AKT1S1: variants seen among roughly 807,000 people sequenced by gnomAD.
The protein encoded by AKT1S1 is AKT1 substrate 1.
AKT1S1 carries 17 observed loss-of-function variants against 21.2 expected under a neutral mutation model. The observed-to-expected ratio is 0.80, with a 90% CI of 0.55 to 1.20. The LOEUF (loss-of-function observed/expected upper bound fraction) is 1.20. Ranked by LOEUF, AKT1S1 falls within the 50% of genes most tolerant of loss-of-function variation. The pLI is 0.00. For synonymous variants in AKT1S1, 181 were observed against 165.6 expected (o/e 1.09, Z -0.72); for missense variants, 366 against 368.3 (o/e 0.99, Z 0.05).
Position 49,869,998 on chromosome 19 carries a change from G to A in AKT1S1, c.690C>T (p.Ala230=), listed in dbSNP as rs2074865941. Residue 230 remains alanine, a synonymous_variant, in exon 5 of 5, where the codon GCC becomes GCT. Coordinates refer to ENST00000344175, the MANE Select transcript of AKT1S1 (RefSeq NM_001098633.4). ...GGTCCCCGAAGACCTGGGTGTCCTC[G>A]GCCTCTCGCAGCACCAGCGCGCGCA... ...ASMRALVLRE[A]EDTQVFGDLP... is the part of the protein sequence containing the mutation. 1.3e-6 allele frequency: 2 copies of A among 1,546,736 alleles called. No homozygotes were observed. Among genetic ancestry groups the A allele is most frequent in the African/African-American group, 2.8e-5 (2 of 72,250 alleles).
At chr19:49,877,508 G>A, upstream of AKT1S1, 1 of 552,484 alleles carries the variant, frequency 1.8e-6, no homozygotes, top group South Asian at 2.2e-5. Context: ...TCCGTAGCCG[G>A]ATCCACCTTC....
rs1256503058 is a variant in AKT1S1, at chr19:49,873,299, C to T, written c.-4G>A. 4 of 1,490,856 alleles carry T rather than the reference C, an allele frequency of 2.7e-6. No homozygotes were observed. Among genetic ancestry groups the T allele is most frequent in the South Asian group, 1.3e-5 (1 of 78,376 alleles). The allele number at this position is 1,490,856 out of a possible 1,614,324, so 92.4% of individuals were successfully genotyped here. A position where few individuals can be genotyped will look rare whatever the true frequency, so the allele number is the denominator to read the frequency against. On this transcript the variant is annotated 5_prime_UTR_variant, in exon 2 of 5. Transcript: ENST00000344175. The surrounding 1 kb of genome is among the most constrained non-coding windows in gnomAD (Gnocchi z 6.9). ...CCTCGGGGCGCCCCGACGCCATCCG[C>T]GCCCTGCGGGCCAGAGCAGGACAGA... is the stretch of plus-strand genomic sequence containing the variant.
rs1366543177 is a variant in AKT1S1 at position 49,869,128 on chromosome 19, C to G, written c.*789G>C. On this transcript the variant is annotated 3_prime_UTR_variant, in exon 5 of 5. Transcript: ENST00000344175. ...CTCACTCTCTCCCCCACACCAGGGC[C>G]GGAGAGTGAGGGCCCCTGCCCCCCA... The G allele has an allele frequency of 6.6e-6, 1 of 152,504 alleles. No individual in the cohort carries two copies. The highest frequency in any genetic ancestry group is 1.9e-4 in the East Asian group (1 of 5,200). The allele number at this position is 152,504 out of a possible 1,614,324, so 9.4% of individuals were successfully genotyped here.
chr19:49,876,093 A>T, intron 1 of AKT1S1: 1 of 986,674 alleles, frequency 1.0e-6, no homozygotes, highest in Non-Finnish European at 1.2e-6. Flanking sequence ...CCTCCTGTCG[A>T]AATTTTAGTA....
intron 4 of AKT1S1, among the ~76,000 whole-genome samples, chr19:49,870,914 G>C (rs565652370): frequency 2.5e-4 from 38 of 152,312 alleles, no homozygotes; most frequent in African/African-American, 9.1e-4. Flanking sequence ...CTGCTGGTTT[G>C]CATATAAGGA....
intron 2 of AKT1S1, 133 bp from the exon 3 acceptor site, chr19:49,872,022 C>T: frequency 3.0e-6 from 3 of 1,005,916 alleles, no homozygotes. Context: ...CCATTTCCTT[C>T]ACCTCAAAAA....
rs1160670478 is a variant in AKT1S1, at chr19:49,869,979, C to G, written c.709G>C (p.Gly237Arg). The stretch of plus-strand genomic sequence containing the variant: ...TTAAGCCGCGGCCGTGGCAGGTCCC[C>G]GAAGACCTGGGTGTCCTCGGCCTCT... ...LREAEDTQVF[G>R]DLPRPRLNTS... Residue 237 changes from glycine to arginine, a missense_variant, in exon 5 of 5, where the codon GGG becomes CGG. Transcript: ENST00000344175. 4.5e-6 allele frequency: 7 copies of G among 1,545,318 alleles called. No homozygotes were observed. Among genetic ancestry groups the G allele is most frequent in the Non-Finnish European group, 5.2e-6 (6 of 1,142,862 alleles).
intron 1 of AKT1S1, chr19:49,877,007 G>A (rs893371690): frequency 3.7e-5 from 10 of 271,488 alleles, no homozygotes; most frequent in Non-Finnish European, 4.2e-5. Context: ...GTGTATATTG[G>A]CTCTCCCTCC....
upstream of AKT1S1, chr19:49,877,830 C>T (rs2122411465): frequency 1.4e-6 from 2 of 1,464,366 alleles, no homozygotes; most frequent in Middle Eastern, 1.7e-4. Context: ...CCTTGGCTCT[C>T]GAGAATCCGG....
chr19:49,876,470 G>T (rs1399292303), intron 1 of AKT1S1: 13 of 1,189,992 alleles, frequency 1.1e-5, no homozygotes, highest in Non-Finnish European at 1.4e-5. Flanking sequence ...GCAAAGGATC[G>T]CTGGCAGACC....
intron 1 of AKT1S1, chr19:49,876,854 G>T (rs2029917041): frequency 1.9e-6 from 1 of 516,064 alleles, no homozygotes; most frequent in Non-Finnish European, 3.3e-6. Flanking sequence ...AATAATGGCC[G>T]TCCTCATATG....
At chr19:49,874,279 G>A (rs538270897) in intron 1 of AKT1S1, 1 of 152,440 alleles carries the variant, frequency 6.6e-6, no homozygotes, top group African/African-American at 2.4e-5. Flanking sequence ...CTTCCTTCCA[G>A]AGGGAACTGG....
At position 49,870,006 on chromosome 19, in the gene AKT1S1, G is replaced by T; in HGVS notation, c.682C>A (p.Arg228=). ...AAGACCTGGGTGTCCTCGGCCTCTCGCAGCACCAGCGCGCGCATGCTCGCC... is the reference window on the plus strand; with the variant it reads ...AAGACCTGGGTGTCCTCGGCCTCTCTCAGCACCAGCGCGCGCATGCTCGCC... The part of the protein sequence containing the change: ...IAASMRALVL[R]EAEDTQVFGD... Residue 228 remains arginine, a synonymous_variant, in exon 5 of 5, where the codon CGA becomes AGA. Coordinates refer to ENST00000344175, the MANE Select transcript of AKT1S1 (RefSeq NM_001098633.4). 1 of 1,547,682 alleles carries T rather than the reference G, an allele frequency of 6.5e-7. No individual in the cohort carries two copies. The highest frequency in any genetic ancestry group is 2.5e-5 in the East Asian group (1 of 39,874).
chr19:49,876,739 A>G, intron 1 of AKT1S1: 1 of 1,385,562 alleles, frequency 7.2e-7, no homozygotes, highest in Non-Finnish European at 9.4e-7. Flanking sequence ...GCCCGAGATC[A>G]AGATGGCGGC....
intron 1 of AKT1S1, chr19:49,876,876 C>T: frequency 2.2e-6 from 1 of 461,740 alleles, no homozygotes. Flanking sequence ...TCAATCATGA[C>T]CACAGTAAAC....
chr19:49,874,714 A>G (rs1016724226), intron 1 of AKT1S1: 25 of 152,224 alleles, frequency 1.6e-4, no homozygotes, highest in African/African-American at 5.8e-4. Context: ...TCTGTGCCTC[A>G]TTTTCTTCCC....
Position 49,873,049 on chromosome 19 carries a change from C to T in AKT1S1, c.247G>A (p.Ala83Thr). The T allele has an allele frequency of 6.4e-7, 1 of 1,558,330 alleles. No individual in the cohort carries two copies. The highest frequency in any genetic ancestry group is 1.2e-5 in the South Asian group (1 of 84,650). ...TAARPPAPPP[A>T]PQPPSPTPSP... ...GGTGTGGGACTGGGTGGCTGTGGTG[C>T]TGGTGGGGGCGCAGGAGGCCGAGCA... Residue 83 changes from alanine (A) to threonine (T), a missense_variant, in exon 2 of 5, where the codon GCA becomes ACA. By Grantham distance (58) the Ala-to-Thr change is moderately conservative (BLOSUM62 0). Transcript: ENST00000344175. This position sits in a 1 kb window ranked among gnomAD's most constrained non-coding sequence, Gnocchi z 6.9.
rs769737259 is a variant in AKT1S1 at position 49,873,012 on chromosome 19, C to G, written c.284G>C (p.Arg95Pro). 7 of 1,573,654 alleles carry G rather than the reference C, an allele frequency of 4.4e-6. No homozygotes were observed. The South Asian group carries it at 4.7e-5, about 11-fold the overall frequency. Residue 95 changes from arginine (R) to proline (P), a missense_variant, in exon 2 of 5, where the codon CGG (arginine) becomes CCG (proline). Transcript: ENST00000344175. This position sits in a 1 kb window ranked among gnomAD's most constrained non-coding sequence, Gnocchi z 6.9. ...GTTGTCCTCTCTGGCCAGGGTAGGC[C>G]GGGGTGGGCTGGGTGTGGGACTGGG... ...QPPSPTPSPP[R>P]PTLAREDNEE... is the part of the protein sequence containing the mutation.
intron 4 of AKT1S1, among the ~76,000 whole-genome samples, chr19:49,871,030 G>A (rs768779238): frequency 1.7e-4 from 26 of 152,196 alleles, no homozygotes; most frequent in Non-Finnish European, 3.2e-4. Flanking sequence ...CTGCCTCTCA[G>A]GGAAGTCACA....
Sources: allele counts gnomAD v4.1 joint callset (sites outside exome capture counted in the v4.1 genomes callset), GRCh38; gene constraint gnomAD v4.1.1; non-coding constraint Gnocchi (gnomAD v3.1); transcripts MANE v1.5; gene names NCBI Gene and HGNC (gene_info 2026-07-23, HGNC 2026-07-21).